MYH15: variants seen among roughly 807,000 people sequenced by gnomAD.
The protein encoded by MYH15 is myosin heavy chain 15, also known as myosin-15.
In MYH15, 227 loss-of-function variants were observed where a neutral mutation model predicts 240.5. The observed-to-expected ratio is 0.94, with a 90% CI of 0.85 to 1.05. MYH15 has a LOEUF of 1.05. MYH15 is among the 50% of genes least tolerant of loss of function. MYH15 has a pLI of 0.00. For synonymous variants in MYH15, 785 were observed against 796.7 expected (o/e 0.99, Z 0.25); for missense variants, 2,217 against 2,247.5 (o/e 0.99, Z 0.27).
At chr3:108,485,392 C>T (rs1168867858) in intron 10 of MYH15, among the ~76,000 whole-genome samples, 163 bp from the exon 11 acceptor site, 1 of 152,238 alleles carries the variant, frequency 6.6e-6, no homozygotes, top group African/African-American at 2.4e-5. Context: ...TGGTCACCCG[C>T]AGTCTGCTCA....
intron 25 of MYH15, among the ~76,000 whole-genome samples, chr3:108,432,873 G>A (rs1199464069): frequency 4.6e-5 from 7 of 152,164 alleles, no homozygotes; most frequent in Admixed American, 2.0e-4. Flanking sequence ...CTGCAGGAGC[G>A]GGGCCCTCAT....
intron 18 of MYH15, among the ~76,000 whole-genome samples, chr3:108,457,247 A>G (rs2083030300): frequency 6.6e-6 from 1 of 152,198 alleles, no homozygotes; most frequent in South Asian, 2.1e-4. Flanking sequence ...AGAAAGGGTG[A>G]TAAGAACACA....
chr3:108,468,750 TA>T, intron 14 of MYH15, among the ~76,000 whole-genome samples: 1 of 152,348 alleles, frequency 6.6e-6, no homozygotes, highest in South Asian at 2.1e-4. Flanking sequence ...TAAAAATCAG[TA>T]ACATTCACAG....
Position 108,392,033 on chromosome 3 carries a change from G to C in MYH15, c.5260-103C>G, listed in dbSNP as rs574530697. On this transcript the variant is annotated intron_variant, in intron 36 of 40. Coordinates refer to ENST00000693548, the MANE Select transcript of MYH15 (RefSeq NM_014981.3). ...CTGGTCTGACTGGCTGCCACGCCTT[G>C]CCTCTATGTATGTGATCTCTTCCCA... 85 of 1,271,738 alleles carry C rather than the reference G, an allele frequency of 6.7e-5. 2 individuals carry two copies. The South Asian group carries it at 1.1e-3, about 17-fold the overall frequency. 78.8% of individuals were successfully genotyped at this position (1,271,738 alleles called of 1,614,324 possible).
chr3:108,456,194 T>G (rs1180715431), intron 19 of MYH15, among the ~76,000 whole-genome samples: 1 of 152,150 alleles, frequency 6.6e-6, no homozygotes, highest in Non-Finnish European at 1.5e-5. Flanking sequence ...GCAGAGACAT[T>G]AAATGTCTTT....
At chr3:108,433,500 C>T (rs1457789853) in intron 25 of MYH15, among the ~76,000 whole-genome samples, 1 of 152,020 alleles carries the variant, frequency 6.6e-6, no homozygotes, top group Non-Finnish European at 1.5e-5. Flanking sequence ...TTGAGAGGGG[C>T]CAGGGGCAGA....
intron 12 of MYH15, among the ~76,000 whole-genome samples, chr3:108,471,670 T>C (rs1158289731): frequency 6.6e-6 from 1 of 152,120 alleles, no homozygotes; most frequent in Non-Finnish European, 1.5e-5. Flanking sequence ...CATCCACTGA[T>C]CCCCTCCTTC....
chr3:108,495,584 G>A (rs937497811), intron 7 of MYH15, among the ~76,000 whole-genome samples, 196 bp downstream of exon 7: 6 of 151,946 alleles, frequency 3.9e-5, no homozygotes, highest in Admixed American at 3.9e-4. Context: ...CTCCTAAAAT[G>A]CATATTTATT....
chr3:108,506,223 T>A (rs1197774431), intron 1 of MYH15, among the ~76,000 whole-genome samples: 3 of 151,910 alleles, frequency 2.0e-5, no homozygotes, highest in Non-Finnish European at 4.4e-5. Context: ...TGGGAACAAC[T>A]AAGTGAAAAT....
At chr3:108,392,589 A>G (rs2082429863) in intron 36 of MYH15, among the ~76,000 whole-genome samples, 1 of 152,184 alleles carries the variant, frequency 6.6e-6, no homozygotes, top group Admixed American at 6.5e-5. Context: ...TTTTCTGTCT[A>G]TCAGGTTACC....
At chr3:108,443,009 A>T (rs183757836) in intron 22 of MYH15, among the ~76,000 whole-genome samples, 38 of 152,230 alleles carry the variant, frequency 2.5e-4, no homozygotes, top group African/African-American at 8.9e-4. Flanking sequence ...GCCCTACACA[A>T]GCTGGGTCCA....
chr3:108,475,268 T>G (rs912425278), intron 12 of MYH15, among the ~76,000 whole-genome samples: 6 of 152,146 alleles, frequency 3.9e-5, no homozygotes, highest in African/African-American at 1.4e-4. Flanking sequence ...TTACTTAACA[T>G]TCTCTTTGAC....
chr3:108,549,139 T>C, the MYH15 span, among the ~76,000 whole-genome samples: 1 of 152,040 alleles, frequency 6.6e-6, no homozygotes, highest in Non-Finnish European at 1.5e-5. Context: ...AATATAATGA[T>C]GCACTTCCTA....
At position 108,398,780 on chromosome 3, in the gene MYH15, C is replaced by T; in HGVS notation, c.4990G>A (p.Ala1664Thr). 6.2e-7 allele frequency: 1 copy of T among 1,614,024 alleles called. No homozygotes were observed. The highest frequency in any genetic ancestry group is 1.7e-5 in the Admixed American group (1 of 60,012). ...AGAGAGTTGCGCCGCTCAGCCACAG[C>T]CACCTGCTCCTTCAGATCACTGTTC... ...QLNSDLKEQVAVAERRNSLLQ... is the reference protein window; with the variant it reads ...QLNSDLKEQVTVAERRNSLLQ... Residue 1664 changes from alanine (A) to threonine (T), a missense_variant, in exon 35 of 41, where the codon GCT becomes ACT. Coordinates refer to ENST00000693548, the MANE Select transcript of MYH15 (RefSeq NM_014981.3).
chr3:108,391,610 T>G, intron 37 of MYH15, 150 bp downstream of exon 37: 6 of 826,748 alleles, frequency 7.3e-6, no homozygotes, highest in Non-Finnish European at 1.1e-5. Flanking sequence ...ATGCATATAT[T>G]GAGATCTGAC....
the MYH15 span, among the ~76,000 whole-genome samples, chr3:108,537,844 A>T: frequency 1.6e-4 from 24 of 152,196 alleles, no homozygotes; most frequent in Non-Finnish European, 3.1e-4. Flanking sequence ...GAAGAAAATA[A>T]TACATAGCCC....
At chr3:108,423,617 TGACA>T (rs1242419448) in intron 27 of MYH15, among the ~76,000 whole-genome samples, 1 of 152,246 alleles carries the variant, frequency 6.6e-6, no homozygotes, top group African/African-American at 2.4e-5. Flanking sequence ...AAAATGACTT[TGACA>T]GTCAAAGTTG....
rs760931265 is a variant in MYH15 at position 108,381,523 on chromosome 3, T to C, written c.*22A>G. ...ACCTTCCTTGTACTTCTCCAGCTGT[T>C]GTCCTTTCAAAGCAGGGGATGCTAT... On this transcript the variant is annotated 3_prime_UTR_variant, in exon 41 of 41. Transcript: ENST00000693548. 1.7e-5 allele frequency: 27 copies of C among 1,613,178 alleles called. No individual in the cohort carries two copies. In the African/African-American group the frequency reaches 2.3e-4, roughly 14 times the overall value.
At chr3:108,393,958 G>A (rs1458363841) in intron 36 of MYH15, 73 bp downstream of exon 36, 2 of 1,597,342 alleles carry the variant, frequency 1.3e-6, no homozygotes, top group African/African-American at 1.3e-5. Flanking sequence ...GGCTGCAGAT[G>A]TGGCCCTGCC....
Sources: gnomAD v4.1 joint callset for allele counts (sites outside exome capture counted in the v4.1 genomes callset) on GRCh38, gnomAD v4.1.1 for gene constraint, MANE v1.5 for transcripts, NCBI Gene and HGNC (gene_info 2026-07-23, HGNC 2026-07-21) for gene names.